The following GNG7 variants were observed in gnomAD, a reference collection of about 807,000 sequenced individuals.
GNG7 encodes the protein guanine nucleotide-binding protein G(I)/G(S)/G(O) subunit gamma-7.
In GNG7, 1 loss-of-function variant was observed where a neutral mutation model predicts 4.0. The ratio of observed to expected loss-of-function variants is 0.25; its 90% CI spans 0.09 to 1.18. The LOEUF (loss-of-function observed/expected upper bound fraction) is 1.18, where lower values mean the gene tolerates loss of function less well. Ranked by LOEUF, GNG7 falls within the 50% of genes most tolerant of loss-of-function variation. The pLI is 0.50. For synonymous variants in GNG7, 34 were observed against 36.9 expected (o/e 0.92, Z 0.29); for missense variants, 86 against 91.9 (o/e 0.94, Z 0.26).
At chr19:2,697,288 G>A (rs1288064980) in intron 1 of GNG7, among the ~76,000 whole-genome samples, 2 of 152,166 alleles carry the variant, frequency 1.3e-5, no homozygotes, top group East Asian at 1.9e-4. Flanking sequence ...GTAACTGTTC[G>A]TGGAAGCGTC....
intron 2 of GNG7, among the ~76,000 whole-genome samples, chr19:2,635,768 A>G (rs759813969): frequency 3.9e-5 from 6 of 152,148 alleles, no homozygotes; most frequent in African/African-American, 7.2e-5. Flanking sequence ...TTTTTAGTAC[A>G]GAGGAGTTTT....
chr19:2,654,117 T>G (rs907484628), intron 1 of GNG7, among the ~76,000 whole-genome samples: 2 of 150,552 alleles, frequency 1.3e-5, no homozygotes. Flanking sequence ...GCGGTCTCCA[T>G]GCAGAGGAAG....
chr19:2,697,140 T>C (rs1913286388), intron 1 of GNG7, among the ~76,000 whole-genome samples: 1 of 152,194 alleles, frequency 6.6e-6, no homozygotes, highest in Non-Finnish European at 1.5e-5. Context: ...AAGGGGCTTA[T>C]AGGGATGTTT....
At chr19:2,574,208 C>T (rs966069089) in intron 2 of GNG7, among the ~76,000 whole-genome samples, 3 of 152,200 alleles carry the variant, frequency 2.0e-5, no homozygotes, top group South Asian at 2.1e-4. Context: ...ACGGTGAGGC[C>T]GCGGGAACAC....
intron 1 of GNG7, among the ~76,000 whole-genome samples, chr19:2,690,305 C>T (rs1258565773): frequency 1.3e-5 from 2 of 151,214 alleles, no homozygotes; most frequent in South Asian, 4.2e-4. Context: ...TGGCCTGAAC[C>T]GGGAGGCAGA....
rs1424323287 is a variant in GNG7 at position 2,553,811 on chromosome 19, A to ATTATG, written c.-38+1337_-38+1338insCATAA. On this transcript the variant is annotated intron_variant, in intron 3 of 4. Coordinates refer to ENST00000382159, the MANE Select transcript of GNG7 (RefSeq NM_052847.3). ...CACATGTACGTATCATGTGTAATAT[A>ATTATG]TCACATACATGTACATATTATATGT... Among the ~76,000 whole-genome samples, 2 of 123,644 alleles carry ATTATG rather than the reference A, an allele frequency of 1.6e-5. 1 individual carries two copies. The highest frequency in any genetic ancestry group is 3.5e-5 in the Non-Finnish European group (2 of 57,038). The allele number at this position is 123,644 out of a possible 152,430, so 81.1% of individuals were successfully genotyped here.
intron 2 of GNG7, among the ~76,000 whole-genome samples, chr19:2,607,875 C>A (rs1290704075): frequency 2.0e-5 from 3 of 151,986 alleles, no homozygotes; most frequent in African/African-American, 7.3e-5. Context: ...TTCTAGGGAG[C>A]AGTCCCCCCA....
chr19:2,546,624 G>A lies in GNG7; in HGVS notation c.-38+8525C>T, dbSNP rs975473066. Among the ~76,000 whole-genome samples, 2 of 152,180 alleles carry A rather than the reference G, an allele frequency of 1.3e-5. No individual in the cohort carries two copies. The highest frequency in any genetic ancestry group is 2.4e-5 in the African/African-American group (1 of 41,458). On this transcript the variant is annotated intron_variant, in intron 3 of 4. Transcript: ENST00000382159. The surrounding 1 kb of genome is among the most constrained non-coding windows in gnomAD (Gnocchi z 6.3). ...ACGAGAAAGTGAAAAATAGACCAGC[G>A]GGGCAGGTCCCGCCGCTGCCTTCAG...
intron 4 of GNG7, among the ~76,000 whole-genome samples, chr19:2,518,528 G>A (rs1978293409): frequency 6.6e-6 from 1 of 152,184 alleles, no homozygotes; most frequent in Non-Finnish European, 1.5e-5. Flanking sequence ...GGGTCTGGGA[G>A]GGCTCAGAGC....
intron 2 of GNG7, among the ~76,000 whole-genome samples, chr19:2,558,739 T>G (rs1453683319): frequency 6.6e-6 from 1 of 151,960 alleles, no homozygotes. Flanking sequence ...TTTTCTTTCT[T>G]CCTTCCTTTC....
chr19:2,626,763 G>C lies in GNG7; in HGVS notation c.-78+19461C>G, dbSNP rs116462104. On this transcript the variant is annotated intron_variant, in intron 2 of 4. Coordinates refer to ENST00000382159, the MANE Select transcript of GNG7 (RefSeq NM_052847.3). This position sits in a 1 kb window ranked among gnomAD's most constrained non-coding sequence, Gnocchi z 5.0. ...GGGGGACATCTGTAATTGTCATGACGGAGGGAAGTGGGACCTTCCCTGACT... is the reference window on the plus strand; with the variant it reads ...GGGGGACATCTGTAATTGTCATGACCGAGGGAAGTGGGACCTTCCCTGACT... Among the ~76,000 whole-genome samples, 1 of 152,084 alleles carries C rather than the reference G, an allele frequency of 6.6e-6. No homozygotes were observed. Among genetic ancestry groups the C allele is most frequent in the Non-Finnish European group, 1.5e-5 (1 of 68,008 alleles).
intron 1 of GNG7, among the ~76,000 whole-genome samples, chr19:2,693,084 G>T (rs1312161094): frequency 6.7e-6 from 1 of 149,468 alleles, no homozygotes; most frequent in Non-Finnish European, 1.5e-5. Context: ...TGAGCTCAGG[G>T]GTTCAAGACC....
At chr19:2,544,939 C>T (rs755278784) in intron 3 of GNG7, among the ~76,000 whole-genome samples, 6 of 152,264 alleles carry the variant, frequency 3.9e-5, no homozygotes, top group South Asian at 2.1e-4. Context: ...GGGTTCAATC[C>T]CTACCCACAC....
chr19:2,696,998 G>A (rs760989093), intron 1 of GNG7, among the ~76,000 whole-genome samples: 10 of 152,038 alleles, frequency 6.6e-5, no homozygotes, highest in East Asian at 1.9e-4. Flanking sequence ...GATTACAGGC[G>A]CCCGGCTAAT....
chr19:2,545,693 C>G (rs913132806), intron 3 of GNG7, among the ~76,000 whole-genome samples: 4 of 147,526 alleles, frequency 2.7e-5, no homozygotes, highest in African/African-American at 7.5e-5. Flanking sequence ...GTGGCTCATG[C>G]CTGTAATACC....
chr19:2,533,645 C>A (rs77739971), intron 3 of GNG7, among the ~76,000 whole-genome samples: 5 of 151,936 alleles, frequency 3.3e-5, no homozygotes, highest in Non-Finnish European at 1.5e-5. Flanking sequence ...TTAGGTGGAC[C>A]CAGTGAAAAT....
chr19:2,620,121 C>G (rs1435437317), intron 2 of GNG7, among the ~76,000 whole-genome samples: 1 of 150,842 alleles, frequency 6.6e-6, no homozygotes, highest in Non-Finnish European at 1.5e-5. Context: ...TGCTTGAACC[C>G]GGGAGGTAGA....
In GNG7 at chr19:2,609,147, C is replaced by A. The variant is rs1981485127; in HGVS notation, c.-78+37077G>T. ...GTTCAAGCAATCCTCCTGCCTTAGC[C>A]TCCCGAGTAGCTGGGATTACAGGCA... On this transcript the variant is annotated intron_variant, in intron 2 of 4. Transcript: ENST00000382159. This position sits in a 1 kb window ranked among gnomAD's most constrained non-coding sequence, Gnocchi z 4.4. 6.6e-6 allele frequency among the ~76,000 whole-genome samples: 1 copy of A among 152,010 alleles called. No individual in the cohort carries two copies. The highest frequency in any genetic ancestry group is 2.4e-5 in the African/African-American group (1 of 41,376).
chr19:2,696,188 G>A (rs1432373790), intron 1 of GNG7, among the ~76,000 whole-genome samples: 1 of 123,096 alleles, frequency 8.1e-6, no homozygotes, highest in African/African-American at 2.8e-5. Context: ...AGAGAGAGGA[G>A]AGAGAGGGGA....
Sources: gnomAD v4.1 joint callset for allele counts (sites outside exome capture counted in the v4.1 genomes callset) on GRCh38, gnomAD v4.1.1 for gene constraint, Gnocchi (gnomAD v3.1) non-coding constraint, MANE v1.5 for transcripts, NCBI Gene and HGNC (gene_info 2026-07-23, HGNC 2026-07-21) for gene names.